Variants in KLRD1 observed in about 807,000 individuals in gnomAD.
KLRD1 encodes natural killer cells antigen CD94.
KLRD1 carries 21 observed loss-of-function variants against 22.6 expected under a neutral mutation model. The observed-to-expected ratio is 0.93, with a 90% confidence interval of 0.66 to 1.34. KLRD1 has a LOEUF of 1.34. KLRD1 is among the 40% of genes most tolerant of loss of function. The pLI, the probability that KLRD1 is intolerant of heterozygous loss-of-function variation, is 0.00. For synonymous variants in KLRD1, 59 were observed against 71.1 expected (o/e 0.83, Z 0.85); for missense variants, 183 against 208.6 (o/e 0.88, Z 0.76).
chr12:10,257,836 C>G (rs1374908243), intron 1 of KLRD1, among the ~76,000 whole-genome samples: 1 of 151,942 alleles, frequency 6.6e-6, no homozygotes, highest in Non-Finnish European at 1.5e-5. Flanking sequence ...AAACAGCTAC[C>G]TCTCCCAGTC....
rs2137746822 is a variant in KLRD1 at position 10,320,849 on chromosome 12, G to C, written c.*6056G>C. On this transcript the variant is annotated 3_prime_UTR_variant, in exon 6 of 6. Coordinates refer to ENST00000336164, the MANE Select transcript of KLRD1 (RefSeq NM_002262.5). ...TAAAGGTCAAATAATAGGGCTTCTA[G>C]GAAGCCCCAGGGTATTGTCCCTCAG... The C allele has an allele frequency of 6.6e-6, 1 of 152,212 alleles. No homozygotes were observed. Among genetic ancestry groups the C allele is most frequent in the East Asian group, 1.9e-4 (1 of 5,176 alleles). 9.4% of individuals were successfully genotyped at this position (152,212 alleles called of 1,614,324 possible).
chr12:10,313,038 C>T (rs1473912610), intron 4 of KLRD1, among the ~76,000 whole-genome samples: 4 of 151,898 alleles, frequency 2.6e-5, no homozygotes, highest in African/African-American at 9.7e-5. Flanking sequence ...CACGTGGCAC[C>T]TTTGCGGATT....
At chr12:10,261,411 A>T (rs934113838) in intron 1 of KLRD1, among the ~76,000 whole-genome samples, 7 of 152,218 alleles carry the variant, frequency 4.6e-5, no homozygotes, top group Non-Finnish European at 8.8e-5. Flanking sequence ...TATATTCTTT[A>T]GGCTTGCTAG....
chr12:10,239,535 CTT>C (rs1491514483), intron 1 of KLRD1, among the ~76,000 whole-genome samples: 10 of 74,222 alleles, frequency 1.3e-4, no homozygotes, highest in Non-Finnish European at 2.2e-4. Context: ...TTCTTTCTTT[CTT>C]TCTTTCTTTC....
Position 10,307,991 on chromosome 12 carries a change from C to A in KLRD1, c.-87C>A. Reference sequence around the variant, plus strand: ...CTCAACTTTCAGATTCTTTAATCTCCAGCTCAGCTTCAACAATTCAACGCT... The same window carrying A: ...CTCAACTTTCAGATTCTTTAATCTCAAGCTCAGCTTCAACAATTCAACGCT... On this transcript the variant is annotated 5_prime_UTR_variant, in exon 1 of 6. Coordinates refer to ENST00000336164, the MANE Select transcript of KLRD1 (RefSeq NM_002262.5). 8.4e-7 allele frequency: 1 copy of A among 1,188,588 alleles called. No homozygotes were observed. The highest frequency in any genetic ancestry group is 1.2e-6 in the Non-Finnish European group (1 of 805,362). 73.6% of individuals were successfully genotyped at this position (1,188,588 alleles called of 1,614,324 possible).
intron 1 of KLRD1, among the ~76,000 whole-genome samples, chr12:10,277,068 G>C (rs1592049956): frequency 6.7e-6 from 1 of 149,034 alleles, no homozygotes; most frequent in East Asian, 2.0e-4. Context: ...AAGAAATTAA[G>C]CAGAATGAAT....
rs3983613 is a variant in KLRD1 at position 10,323,864 on chromosome 12, C to CTTTTTTTTTTTTTTTTTT, written c.*9086_*9087insTTTTTTTTTTTTTTTTTT. 6 of 106,366 alleles carry CTTTTTTTTTTTTTTTTTT rather than the reference C, an allele frequency of 5.6e-5. 1 individual carries two copies. Among genetic ancestry groups the CTTTTTTTTTTTTTTTTTT allele is most frequent in the East Asian group, 2.9e-4 (1 of 3,426 alleles). 6.6% of individuals were successfully genotyped at this position (106,366 alleles called of 1,614,324 possible). ...TTCCCTTTTATTTCTTATTTCTTTC[C>CTTTTTTTTTTTTTTTTTT]TTTTTTTTTTTTTTTGAGACTGAGT... On this transcript the variant is annotated 3_prime_UTR_variant, in exon 6 of 6. Coordinates refer to ENST00000336164, the MANE Select transcript of KLRD1 (RefSeq NM_002262.5).
At position 10,324,816 on chromosome 12, in the gene KLRD1, G is replaced by GTATA. The variant is rs1397212198; in HGVS notation, c.*10024_*10025insATAT. 15 of 16,632 alleles carry GTATA rather than the reference G, an allele frequency of 9.0e-4. No homozygotes were observed. The highest frequency in any genetic ancestry group is 1.3e-3 in the African/African-American group (15 of 11,974). 1.0% of individuals were successfully genotyped at this position (16,632 alleles called of 1,614,324 possible). On this transcript the variant is annotated 3_prime_UTR_variant, in exon 6 of 6. Coordinates refer to ENST00000336164, the MANE Select transcript of KLRD1 (RefSeq NM_002262.5). ...TAAGTATATATGTATATGTGTGTGTGTGTATATATATATATATATATATAT... is the reference window on the plus strand; with the variant it reads ...TAAGTATATATGTATATGTGTGTGTGTATATGTATATATATATATATATATATAT...
chr12:10,290,011 A>G (rs1308391656), intron 1 of KLRD1, among the ~76,000 whole-genome samples: 1 of 152,190 alleles, frequency 6.6e-6, no homozygotes, highest in Non-Finnish European at 1.5e-5. Flanking sequence ...CTCCCGACTC[A>G]GGTGATCCGC....
At chr12:10,262,943 G>A (rs1949467038) in intron 1 of KLRD1, among the ~76,000 whole-genome samples, 1 of 151,992 alleles carries the variant, frequency 6.6e-6, no homozygotes. Flanking sequence ...ATATATGATT[G>A]ATGTTATTCT....
intron 1 of KLRD1, among the ~76,000 whole-genome samples, chr12:10,277,560 T>C (rs1464552121): frequency 6.6e-6 from 1 of 152,162 alleles, no homozygotes; most frequent in Non-Finnish European, 1.5e-5. Context: ...CATTGATTGA[T>C]TATGTTATGA....
At chr12:10,278,890 A>G (rs1949615286) in intron 1 of KLRD1, among the ~76,000 whole-genome samples, 1 of 151,792 alleles carries the variant, frequency 6.6e-6, no homozygotes, top group South Asian at 2.1e-4. Flanking sequence ...CTTAAAGGGA[A>G]TGTTAAATAT....
chr12:10,260,977 A>T (rs935402132), intron 1 of KLRD1, among the ~76,000 whole-genome samples: 36 of 148,972 alleles, frequency 2.4e-4, no homozygotes, highest in African/African-American at 8.5e-4. Context: ...AAAAAAAAAA[A>T]TTTTTTTGAG....
chr12:10,290,181 T>G (rs1949754264), intron 1 of KLRD1, among the ~76,000 whole-genome samples: 1 of 152,194 alleles, frequency 6.6e-6, no homozygotes, highest in South Asian at 2.1e-4. Context: ...GCAAAGGCAT[T>G]GGACAACGTA....
intron 1 of KLRD1, among the ~76,000 whole-genome samples, chr12:10,290,010 C>T (rs1949752021): frequency 6.6e-6 from 1 of 152,212 alleles, no homozygotes; most frequent in Admixed American, 6.5e-5. Context: ...ACTCCCGACT[C>T]AGGTGATCCG....
At position 10,326,547 on chromosome 12, in the gene KLRD1, G is replaced by A. The variant is rs1352405613; in HGVS notation, c.*11754G>A. 1 of 152,174 alleles carries A rather than the reference G, an allele frequency of 6.6e-6. No individual in the cohort carries two copies. Among genetic ancestry groups the A allele is most frequent in the African/African-American group, 2.4e-5 (1 of 41,420 alleles). 9.4% of individuals were successfully genotyped at this position (152,174 alleles called of 1,614,324 possible). On this transcript the variant is annotated 3_prime_UTR_variant, in exon 6 of 6. Transcript: ENST00000336164. The stretch of plus-strand genomic sequence containing the variant: ...AGTGAAACAACTGGAAGCAAGGAGG[G>A]GGCTTCCAGGTCACAGGTAAGAGAC...
chr12:10,266,679 A>T (rs1949502001), intron 1 of KLRD1, among the ~76,000 whole-genome samples: 1 of 151,892 alleles, frequency 6.6e-6, no homozygotes, highest in Non-Finnish European at 1.5e-5. Flanking sequence ...CTTATTTTAT[A>T]TATATGCACA....
At chr12:10,270,926 G>A (rs183707590) in intron 1 of KLRD1, among the ~76,000 whole-genome samples, 1 of 151,964 alleles carries the variant, frequency 6.6e-6, no homozygotes, top group Non-Finnish European at 1.5e-5. Flanking sequence ...TGAGATTACA[G>A]GTGCATACCA....
chr12:10,312,333 T>G (rs1950097957), intron 4 of KLRD1, among the ~76,000 whole-genome samples: 1 of 152,056 alleles, frequency 6.6e-6, no homozygotes, highest in Admixed American at 6.5e-5. Context: ...ATTACAGGCA[T>G]GAGCCACCGT....
Sources: allele counts gnomAD v4.1 joint callset (sites outside exome capture counted in the v4.1 genomes callset), GRCh38; gene constraint gnomAD v4.1.1; transcripts MANE v1.5; gene names NCBI Gene and HGNC (gene_info 2026-07-23, HGNC 2026-07-21).